SAE1: variants seen among roughly 807,000 people sequenced by gnomAD.
The protein encoded by SAE1 is SUMO1 activating enzyme subunit 1.
A neutral mutation model predicts 40.6 loss-of-function variants in SAE1; 11 were observed. The observed-to-expected ratio is 0.27, with a 90% CI of 0.17 to 0.45. The LOEUF is 0.45. Among genes scored for constraint, SAE1 ranks in the 20% least tolerant of loss-of-function variants. The probability of loss-of-function intolerance (pLI) is 1.00; values close to 1 mark genes in which losing one functional copy is unlikely to be tolerated. For synonymous variants in SAE1, 155 were observed against 154.3 expected, an observed-to-expected ratio of 1.00 and a Z score of -0.03; for missense variants, 373 against 427.3, an observed-to-expected ratio of 0.87 and a Z score of 1.12.
intron 3 of SAE1, among the ~76,000 whole-genome samples, 156 bp from the exon 4 acceptor site, chr19:47,152,742 G>T (rs571343712): frequency 2.0e-5 from 3 of 152,050 alleles, no homozygotes; most frequent in Non-Finnish European, 4.4e-5. Flanking sequence ...CTTTTCTTTT[G>T]TCTTCTAGCC....
At chr19:47,181,220 G>A (rs995476344) in intron 6 of SAE1, among the ~76,000 whole-genome samples, 3 of 152,016 alleles carry the variant, frequency 2.0e-5, no homozygotes, top group African/African-American at 7.2e-5. Flanking sequence ...GGAAGCTGAG[G>A]CAGGAGAATC....
intron 6 of SAE1, among the ~76,000 whole-genome samples, chr19:47,193,267 G>T (rs2123302158): frequency 6.6e-6 from 1 of 151,878 alleles, no homozygotes; most frequent in Non-Finnish European, 1.5e-5. Context: ...CGCTGTGTTG[G>T]CCAGGCTGGT....
At chr19:47,170,244 G>A (rs2058422510) in intron 6 of SAE1, among the ~76,000 whole-genome samples, 1 of 151,284 alleles carries the variant, frequency 6.6e-6, no homozygotes, top group Non-Finnish European at 1.5e-5. Flanking sequence ...ACAGAGTCTT[G>A]CTCTGTCACC....
intron 6 of SAE1, among the ~76,000 whole-genome samples, chr19:47,195,246 G>A (rs2058606458): frequency 6.6e-6 from 1 of 151,932 alleles, no homozygotes; most frequent in Non-Finnish European, 1.5e-5. Context: ...GTAGAGACCG[G>A]GTTTCACCAT....
chr19:47,179,243 C>T (rs1018037483), intron 6 of SAE1, among the ~76,000 whole-genome samples: 2 of 149,944 alleles, frequency 1.3e-5, no homozygotes, highest in South Asian at 2.1e-4. Flanking sequence ...CGATGGCTCA[C>T]GCCTGTAATC....
chr19:47,191,217 C>T (rs2058575674), intron 6 of SAE1, among the ~76,000 whole-genome samples: 1 of 152,054 alleles, frequency 6.6e-6, no homozygotes, highest in Non-Finnish European at 1.5e-5. Context: ...TCGAGACCAG[C>T]CTGGCCAACA....
chr19:47,193,000 A>G (rs1226361414), intron 6 of SAE1, among the ~76,000 whole-genome samples: 1 of 151,182 alleles, frequency 6.6e-6, no homozygotes, highest in Non-Finnish European at 1.5e-5. Context: ...AAGTAGAAGT[A>G]TTGGGTGGTA....
chr19:47,188,345 G>A (rs1320178926), intron 6 of SAE1, among the ~76,000 whole-genome samples: 1 of 112,382 alleles, frequency 8.9e-6, no homozygotes, highest in African/African-American at 4.5e-5. Flanking sequence ...CTGAGGCCAT[G>A]TCTCAAAAAA....
chr19:47,195,751 T>C (rs1293028580), intron 6 of SAE1, among the ~76,000 whole-genome samples: 1 of 147,660 alleles, frequency 6.8e-6, no homozygotes, highest in Non-Finnish European at 1.5e-5. Flanking sequence ...TTTTTTTTTT[T>C]TTTTGACAGG....
In SAE1 at chr19:47,176,824, A is replaced by G. The variant is rs2058471500; in HGVS notation, c.733+6901A>G. 1.3e-5 allele frequency among the ~76,000 whole-genome samples: 2 copies of G among 152,202 alleles called. 1 individual carries two copies. The highest frequency in any genetic ancestry group is 2.9e-5 in the Non-Finnish European group (2 of 68,046). On this transcript the variant is annotated intron_variant, in intron 6 of 8. Transcript: ENST00000270225. ...GAGTTGGCCTCGCCATCTGTGAGCA[A>G]AAGGTCTCTTCTTTTTATTATTCTC...
intron 6 of SAE1, among the ~76,000 whole-genome samples, chr19:47,191,479 G>T (rs1178015914): frequency 6.6e-6 from 1 of 152,162 alleles, no homozygotes; most frequent in African/African-American, 2.4e-5. Context: ...ACCCAGAAAG[G>T]GTATCAACAC....
intron 1 of SAE1, among the ~76,000 whole-genome samples, chr19:47,135,329 C>A (rs1190834075): frequency 1.3e-5 from 2 of 152,144 alleles, no homozygotes; most frequent in Admixed American, 6.6e-5. Flanking sequence ...CTCCACCCCC[C>A]ACTACCCTTC....
intron 1 of SAE1, among the ~76,000 whole-genome samples, chr19:47,132,027 C>T (rs309185): frequency 0.76 from 114,522 of 151,582 alleles, 43,378 homozygotes; most frequent in Admixed American, 0.8. Flanking sequence ...AGTTGGGTGA[C>T]CTCGGTTCAC....
chr19:47,158,506 G>T (rs1315293089), intron 5 of SAE1, among the ~76,000 whole-genome samples: 2 of 152,154 alleles, frequency 1.3e-5, no homozygotes, highest in East Asian at 1.9e-4. Context: ...GTAAGGAAGT[G>T]CCCAAAAAGG....
chr19:47,136,693 C>T (rs1443652855), intron 1 of SAE1, among the ~76,000 whole-genome samples: 1 of 152,080 alleles, frequency 6.6e-6, no homozygotes, highest in East Asian at 1.9e-4. Context: ...GGGATTCCTC[C>T]ATGTTGGTCA....
intron 6 of SAE1, among the ~76,000 whole-genome samples, chr19:47,195,641 C>T (rs2058608890): frequency 6.6e-6 from 1 of 151,920 alleles, no homozygotes; most frequent in Non-Finnish European, 1.5e-5. Flanking sequence ...CACTCCTTAT[C>T]ATCTCTCTTC....
chr19:47,191,958 G>A (rs890904949), intron 6 of SAE1, among the ~76,000 whole-genome samples: 10 of 151,630 alleles, frequency 6.6e-5, no homozygotes, highest in Non-Finnish European at 1.5e-4. Flanking sequence ...GGAGGCTGAG[G>A]CAGGAGAATG....
Position 47,191,911 on chromosome 19 carries a change from G to A in SAE1, c.734-5322G>A, listed in dbSNP as rs565950735. Among the ~76,000 whole-genome samples, 16 of 152,012 alleles carry A rather than the reference G, an allele frequency of 1.1e-4. No individual in the cohort carries two copies. The East Asian group carries it at 1.4e-3, about 13-fold the overall frequency. On this transcript the variant is annotated intron_variant, in intron 6 of 8. Transcript: ENST00000270225. ...TATACTAAAAATACAAAAATTAGCC[G>A]GGCGTGGTGATGGCCGCCTGTAGTC...
intron 8 of SAE1, among the ~76,000 whole-genome samples, chr19:47,208,201 G>C (rs1484943346): frequency 2.6e-5 from 4 of 152,152 alleles, no homozygotes; most frequent in Non-Finnish European, 5.9e-5. Flanking sequence ...TCTGCTGTTT[G>C]CCCAATGGTG....
Sources: gnomAD v4.1 joint callset for allele counts (sites outside exome capture counted in the v4.1 genomes callset) on GRCh38, gnomAD v4.1.1 for gene constraint, MANE v1.5 for transcripts, NCBI Gene and HGNC (gene_info 2026-07-23, HGNC 2026-07-21) for gene names.